GBP5: variants seen among roughly 807,000 people sequenced by gnomAD.
GBP5 encodes guanylate-binding protein 5.
GBP5 carries 48 observed loss-of-function variants against 58.2 expected under a neutral mutation model. The observed-to-expected ratio is 0.83, with a 90% CI of 0.65 to 1.05. The LOEUF (loss-of-function observed/expected upper bound fraction) is 1.05. Among genes scored for constraint, GBP5 ranks in the 50% least tolerant of loss-of-function variants. The pLI is 0.00. For synonymous variants in GBP5, 248 were observed against 251.8 expected (o/e 0.98, Z 0.14); for missense variants, 714 against 686.8 (o/e 1.04, Z -0.44).
At chr1:89,271,293 C>T (rs1359494106) in intron 1 of GBP5, 3 of 152,206 alleles carry the variant, frequency 2.0e-5, no homozygotes, top group Non-Finnish European at 4.4e-5. Context: ...GACTTGATTT[C>T]CAACCCCAGC....
rs3806339 is a variant in GBP5, at chr1:89,269,452, G to T, written c.104C>A (p.Thr35Lys). 7 of 1,614,078 alleles carry T rather than the reference G, an allele frequency of 4.3e-6. No individual in the cohort carries two copies. The highest frequency in any genetic ancestry group is 5.9e-6 in the Non-Finnish European group (7 of 1,179,976). ...AATCGCTACCACAACTACAGGTTGC[G>T]TAATGGCAGACAGGATCTCCAAAGC... ...QEALEILSAI[T>K]QPVVVVAIVG... Residue 35 changes from threonine (T) to lysine (K), a missense_variant, in exon 3 of 12, where the codon ACG becomes AAG. Physicochemically the swap from Thr to Lys is moderately conservative, Grantham distance 78 (BLOSUM62 -1). Coordinates refer to ENST00000370459, the MANE Select transcript of GBP5 (RefSeq NM_052942.5).
chr1:89,266,368 A>G lies in GBP5; in HGVS notation c.846T>C (p.Gly282=), dbSNP rs1249976241. ...CACGAGATCCATTGACCATGATGCC[A>G]CCTGGAAGAGTCTTGGTCATAGAAT... ...FSHSMTKTLP[G]GIMVNGSRLK... is the part of the protein sequence containing the mutation. Residue 282 remains glycine, a synonymous_variant, in exon 7 of 12, where the codon GGT becomes GGC. Coordinates refer to ENST00000370459, the MANE Select transcript of GBP5 (RefSeq NM_052942.5). 6.2e-7 allele frequency: 1 copy of G among 1,613,420 alleles called. No individual in the cohort carries two copies. Among genetic ancestry groups the G allele is most frequent in the South Asian group, 1.1e-5 (1 of 91,072 alleles).
Position 89,266,329 on chromosome 1 carries a change from C to G in GBP5, c.868+17G>C. ...GTTTACATTAAATTGAAGGAAAATC[C>G]TAAAAATAATACTCACGAGATCCAT... On this transcript the variant is annotated intron_variant, in intron 7 of 11. Transcript: ENST00000370459. The G allele has an allele frequency of 6.2e-7, 1 of 1,600,830 alleles. No individual in the cohort carries two copies. The highest frequency in any genetic ancestry group is 8.5e-7 in the Non-Finnish European group (1 of 1,171,504).
chr1:89,259,018 T>C lies in GBP5; in HGVS notation c.*1686A>G, dbSNP rs1183574051. 3.9e-5 allele frequency: 6 copies of C among 152,158 alleles called. No individual in the cohort carries two copies. The East Asian group carries it at 1.2e-3, about 29-fold the overall frequency. 9.4% of individuals were successfully genotyped at this position (152,158 alleles called of 1,614,324 possible). A position where few individuals can be genotyped will look rare whatever the true frequency, so the allele number is the denominator to read the frequency against. The stretch of plus-strand genomic sequence containing the variant: ...AACAGATATATTTATATAAGTTACA[T>C]ATTTTAAGAAAAATCAGTCATTTTT... On this transcript the variant is annotated 3_prime_UTR_variant, in exon 12 of 12. Coordinates refer to ENST00000370459, the MANE Select transcript of GBP5 (RefSeq NM_052942.5).
intron 3 of GBP5, among the ~76,000 whole-genome samples, chr1:89,269,094 G>A (rs1385384138): frequency 6.6e-6 from 1 of 151,678 alleles, no homozygotes; most frequent in Non-Finnish European, 1.5e-5. Flanking sequence ...TTATGTATAC[G>A]GGAATTACTT....
chr1:89,264,044 C>T lies in GBP5; in HGVS notation c.1150-96G>A, dbSNP rs192799320. 3.2e-5 allele frequency: 26 copies of T among 811,826 alleles called. No homozygotes were observed. The East Asian group carries it at 3.8e-4, about 12-fold the overall frequency. The allele number at this position is 811,826 out of a possible 1,614,324, so 50.3% of individuals were successfully genotyped here. On this transcript the variant is annotated intron_variant, in intron 8 of 11. Coordinates refer to ENST00000370459, the MANE Select transcript of GBP5 (RefSeq NM_052942.5). ...AAGAATCTATATTTTTTTCTACAAA[C>T]TTAGAGCAAGACACATATAAGCAAG...
chr1:89,264,240 C>T (rs1347199552), intron 8 of GBP5, among the ~76,000 whole-genome samples: 1 of 152,154 alleles, frequency 6.6e-6, no homozygotes, highest in African/African-American at 2.4e-5. Context: ...TAGTTTACAA[C>T]ATTCCTTCCA....
chr1:89,267,882 G>A (rs1023384059), intron 4 of GBP5, among the ~76,000 whole-genome samples: 5 of 152,104 alleles, frequency 3.3e-5, no homozygotes, highest in African/African-American at 1.2e-4. Context: ...TGATCTTATC[G>A]AATTCTAAAA....
chr1:89,268,660 A>G, intron 4 of GBP5, 69 bp downstream of exon 4: 1 of 1,540,288 alleles, frequency 6.5e-7, no homozygotes, highest in Non-Finnish European at 8.9e-7. Context: ...TTAGAAAAAT[A>G]AACCTAAAAT....
rs537895433 is a variant in GBP5 at position 89,259,882 on chromosome 1, T to C, written c.*822A>G. 17 of 152,194 alleles carry C rather than the reference T, an allele frequency of 1.1e-4. No individual in the cohort carries two copies. Among genetic ancestry groups the C allele is most frequent in the African/African-American group, 4.1e-4 (17 of 41,512 alleles). 9.4% of individuals were successfully genotyped at this position (152,194 alleles called of 1,614,324 possible). ...CCCCTGCAGACCTACTTATACCCCT[T>C]AGCCTGTAAGCCCGGTGTCTGCCTC... is the stretch of plus-strand genomic sequence containing the variant. On this transcript the variant is annotated 3_prime_UTR_variant, in exon 12 of 12. Coordinates refer to ENST00000370459, the MANE Select transcript of GBP5 (RefSeq NM_052942.5).
At position 89,268,722 on chromosome 1, in the gene GBP5, T is replaced by G; in HGVS notation, c.318+7A>C. The G allele has an allele frequency of 1.2e-6, 2 of 1,613,812 alleles. No homozygotes were observed. Among genetic ancestry groups the G allele is most frequent in the Non-Finnish European group, 1.7e-6 (2 of 1,179,854 alleles). Reference sequence around the variant, plus strand: ...TTAGGAGGTTAAAAAAAGGAATCCTTCCTTACCTTCTCTACATCTCCCAGG... The same window carrying G: ...TTAGGAGGTTAAAAAAAGGAATCCTGCCTTACCTTCTCTACATCTCCCAGG... On this transcript the variant is annotated splice_region_variant and intron_variant, in intron 4 of 11. Transcript: ENST00000370459.
rs749812638 is a variant in GBP5, at chr1:89,264,687, T to G, written c.1148A>C (p.Glu383Ala). 35 of 1,612,906 alleles carry G rather than the reference T, an allele frequency of 2.2e-5. No individual in the cohort carries two copies. The highest frequency in any genetic ancestry group is 1.7e-5 in the Admixed American group (1 of 59,958). Residue 383 changes from glutamate to alanine, a missense_variant and splice_region_variant, in exon 8 of 12, where the codon GAG (glutamate) becomes GCG (alanine). Transcript: ENST00000370459. Reference sequence around the variant, plus strand: ...ATGAACTAGAAACAAAAATATCACCTCCAATTCTTTCTGGAAACTTTGGTC... The same window carrying G: ...ATGAACTAGAAACAAAAATATCACCGCCAATTCTTTCTGGAAACTTTGGTC... ...DVDQSFQKEL[E>A]TLLDAKQNDI...
chr1:89,263,937 A>T lies in GBP5; in HGVS notation c.1161T>A (p.Asp387Glu). Residue 387 changes from aspartate (D) to glutamate (E), a missense_variant, in exon 9 of 12, where the codon GAT (aspartate) becomes GAA (glutamate). Coordinates refer to ENST00000370459, the MANE Select transcript of GBP5 (RefSeq NM_052942.5). ...SFQKELETLL[D>E]AKQNDICKRN... The stretch of plus-strand genomic sequence containing the variant: ...GTTTACAAATGTCATTCTGTTTTGC[A>T]TCTAGTAGAGTCTTCAAAGAGACAA... 3 of 1,605,574 alleles carry T rather than the reference A, an allele frequency of 1.9e-6. No homozygotes were observed. The highest frequency in any genetic ancestry group is 1.7e-4 in the Middle Eastern group (1 of 6,052).
chr1:89,257,344 C>A lies in GBP5; in HGVS notation c.*3360G>T, dbSNP rs1649820073. On this transcript the variant is annotated 3_prime_UTR_variant, in exon 12 of 12. Coordinates refer to ENST00000370459, the MANE Select transcript of GBP5 (RefSeq NM_052942.5). ...CTATCATGAAAAAAGCACATGAAAA[C>A]CCACCCCCATGATTTGATTACCTCC... Among the ~76,000 whole-genome samples, 1 of 152,094 alleles carries A rather than the reference C, an allele frequency of 6.6e-6. No homozygotes were observed. The highest frequency in any genetic ancestry group is 6.6e-5 in the Admixed American group (1 of 15,258).
In GBP5 at chr1:89,257,275, G is replaced by A. The variant is rs1649816255; in HGVS notation, c.*3429C>T. Among the ~76,000 whole-genome samples, 1 of 152,146 alleles carries A rather than the reference G, an allele frequency of 6.6e-6. No individual in the cohort carries two copies. Among genetic ancestry groups the A allele is most frequent in the Admixed American group, 6.5e-5 (1 of 15,280 alleles). On this transcript the variant is annotated 3_prime_UTR_variant, in exon 12 of 12. Coordinates refer to ENST00000370459, the MANE Select transcript of GBP5 (RefSeq NM_052942.5). ...GTCAGGCAAGAGAGCATGTGCAGGG[G>A]AATTGCCCTTTATGAAGCCATCAGA...
At position 89,264,762 on chromosome 1, in the gene GBP5, C is replaced by G; in HGVS notation, c.1073G>C (p.Ser358Thr). ...GAAGACTTCAATGGCCTCCCTCTCACTGGTCCTGTGCAGGTCCAGCAGCTC... is the reference window on the plus strand; with the variant it reads ...GAAGACTTCAATGGCCTCCCTCTCAGTGGTCCTGTGCAGGTCCAGCAGCTC... Reference protein sequence around the residue: ...LQELLDLHRTSEREAIEVFMK... With the variant: ...LQELLDLHRTTEREAIEVFMK... Residue 358 changes from serine to threonine, a missense_variant, in exon 8 of 12, where the codon AGT becomes ACT. Transcript: ENST00000370459. 1 of 1,614,214 alleles carries G rather than the reference C, an allele frequency of 6.2e-7. No homozygotes were observed. The highest frequency in any genetic ancestry group is 8.5e-7 in the Non-Finnish European group (1 of 1,180,044).
chr1:89,256,882 G>C lies in GBP5; in HGVS notation c.*3822C>G, dbSNP rs1326834468. Among the ~76,000 whole-genome samples, 1 of 152,060 alleles carries C rather than the reference G, an allele frequency of 6.6e-6. No individual in the cohort carries two copies. Among genetic ancestry groups the C allele is most frequent in the Non-Finnish European group, 1.5e-5 (1 of 67,990 alleles). On this transcript the variant is annotated 3_prime_UTR_variant, in exon 12 of 12. Transcript: ENST00000370459. ...CTTTACCCTGTATTATTCCTATAAA[G>C]TCTATTTTTTGGACTTTCTATTCTG...
chr1:89,271,277 A>G (rs1452853219), intron 1 of GBP5: 1 of 152,188 alleles, frequency 6.6e-6, no homozygotes, highest in Admixed American at 6.5e-5. Context: ...CCCTTGCCTT[A>G]AATTAGACTT....
At position 89,258,787 on chromosome 1, in the gene GBP5, A is replaced by T. The variant is rs1570406955; in HGVS notation, c.*1917T>A. Among the ~76,000 whole-genome samples, 1 of 152,194 alleles carries T rather than the reference A, an allele frequency of 6.6e-6. No individual in the cohort carries two copies. Among genetic ancestry groups the T allele is most frequent in the Non-Finnish European group, 1.5e-5 (1 of 68,016 alleles). On this transcript the variant is annotated 3_prime_UTR_variant, in exon 12 of 12. Coordinates refer to ENST00000370459, the MANE Select transcript of GBP5 (RefSeq NM_052942.5). ...TGTTTCTATAATTTAAACAAAAAAA[A>T]TTTTACTGGAGATATACAAAACAAA...
Sources: gnomAD v4.1 joint callset for allele counts (sites outside exome capture counted in the v4.1 genomes callset) on GRCh38, gnomAD v4.1.1 for gene constraint, MANE v1.5 for transcripts, NCBI Gene and HGNC (gene_info 2026-07-23, HGNC 2026-07-21) for gene names.